The following FSTL5 variants were observed in gnomAD, a reference collection of about 807,000 sequenced individuals.
The protein encoded by FSTL5 is follistatin like 5.
FSTL5 carries 62 observed loss-of-function variants against 89.1 expected under a neutral mutation model. The observed-to-expected ratio is 0.70, with a 90% CI of 0.57 to 0.86. The LOEUF is 0.86. Ranked by LOEUF, FSTL5 falls within the 40% of genes least tolerant of loss-of-function variation. The pLI is 0.00. For synonymous variants in FSTL5, 383 were observed against 346.2 expected (o/e 1.11, Z -1.18); for missense variants, 1,057 against 1,001.6 (o/e 1.06, Z -0.75).
intron 3 of FSTL5, among the ~76,000 whole-genome samples, chr4:162,012,908 G>C (rs1470044459): frequency 6.6e-6 from 1 of 152,078 alleles, no homozygotes; most frequent in Non-Finnish European, 1.5e-5. Flanking sequence ...TCTCAGCTGG[G>C]CGTCGTGGCT....
chr4:161,694,625 A>C (rs1027871524), intron 6 of FSTL5, among the ~76,000 whole-genome samples: 1 of 152,044 alleles, frequency 6.6e-6, no homozygotes, highest in Non-Finnish European at 1.5e-5. Flanking sequence ...TTCAACACCT[A>C]GGCTTTCTCA....
In FSTL5 at chr4:161,447,613, G is replaced by A. The variant is rs187065633; in HGVS notation, c.1841+7391C>T. Among the ~76,000 whole-genome samples the A allele has an allele frequency of 5.9e-5, 9 of 152,110 alleles. No homozygotes were observed. In the East Asian group the frequency reaches 1.7e-3, roughly 29 times the overall value. On this transcript the variant is annotated intron_variant, in intron 15 of 15. Coordinates refer to ENST00000306100, the MANE Select transcript of FSTL5 (RefSeq NM_020116.5). ...TCTATCTAAGCATTTTACACTCAAC[G>A]TGTGGCCTGTATTAATATGCTAAAG...
chr4:162,146,955 G>A (rs1733024664), intron 1 of FSTL5, among the ~76,000 whole-genome samples: 3 of 151,780 alleles, frequency 2.0e-5, no homozygotes, highest in African/African-American at 7.3e-5. Flanking sequence ...GCTAATTTTT[G>A]TATTTTAATA....
At chr4:161,486,627 T>C (rs1729690663) in intron 12 of FSTL5, among the ~76,000 whole-genome samples, 1 of 152,138 alleles carries the variant, frequency 6.6e-6, no homozygotes, top group African/African-American at 2.4e-5. Flanking sequence ...TAACTGAAAA[T>C]TGAATTGGGA....
intron 3 of FSTL5, among the ~76,000 whole-genome samples, chr4:162,018,874 T>C (rs1272374717): frequency 6.6e-6 from 1 of 152,284 alleles, no homozygotes; most frequent in East Asian, 1.9e-4. Context: ...AATTACATGC[T>C]GAATACATTT....
chr4:161,383,988 G>A lies in FSTL5; in HGVS notation c.*1759C>T, dbSNP rs1299771779. On this transcript the variant is annotated 3_prime_UTR_variant, in exon 16 of 16. Transcript: ENST00000306100. ...TAAGCTACAAAAGAAGGATGTATGC[G>A]ACAGACTTACATGAAATCATTAAGT... The A allele has an allele frequency of 6.6e-6, 1 of 152,138 alleles. No individual in the cohort carries two copies. Among genetic ancestry groups the A allele is most frequent in the Non-Finnish European group, 1.5e-5 (1 of 68,012 alleles). The allele number at this position is 152,138 out of a possible 1,614,324, so 9.4% of individuals were successfully genotyped here.
chr4:162,095,156 A>G (rs1730701483), intron 2 of FSTL5, among the ~76,000 whole-genome samples: 1 of 152,140 alleles, frequency 6.6e-6, no homozygotes, highest in Non-Finnish European at 1.5e-5. Context: ...TTCATTATGT[A>G]TAACTATAAA....
At chr4:162,105,322 T>C (rs1356390129) in intron 2 of FSTL5, among the ~76,000 whole-genome samples, 1 of 152,138 alleles carries the variant, frequency 6.6e-6, no homozygotes, top group Non-Finnish European at 1.5e-5. Context: ...ATGCAAAACT[T>C]ATTCATCTTG....
intron 3 of FSTL5, among the ~76,000 whole-genome samples, chr4:161,964,835 T>G (rs535602683): frequency 6.6e-6 from 1 of 152,170 alleles, no homozygotes; most frequent in East Asian, 1.9e-4. Flanking sequence ...ATTTTCTAAT[T>G]TTACAACACA....
At chr4:162,070,731 A>G (rs1450157924) in intron 2 of FSTL5, among the ~76,000 whole-genome samples, 1 of 151,808 alleles carries the variant, frequency 6.6e-6, no homozygotes, top group Non-Finnish European at 1.5e-5. Context: ...CAGGCCAAAA[A>G]AGAACGGGAT....
chr4:161,782,332 G>A (rs940051543), intron 4 of FSTL5, among the ~76,000 whole-genome samples: 1 of 152,136 alleles, frequency 6.6e-6, no homozygotes, highest in East Asian at 1.9e-4. Context: ...CTCTTCCAAA[G>A]TGGCCGTACC....
At chr4:161,880,851 G>A (rs1440729525) in intron 4 of FSTL5, among the ~76,000 whole-genome samples, 1 of 152,044 alleles carries the variant, frequency 6.6e-6, no homozygotes, top group Non-Finnish European at 1.5e-5. Context: ...AAAACTATAG[G>A]GACAGAGATT....
rs75393411 is a variant in FSTL5 at position 161,496,868 on chromosome 4, C to T, written c.1458+3148G>A. On this transcript the variant is annotated intron_variant, in intron 12 of 15. Coordinates refer to ENST00000306100, the MANE Select transcript of FSTL5 (RefSeq NM_020116.5). ...AAGAGAGAAATAGAGGGAAACGTGG[C>T]GACAGAGGTAGTGGTAGCAGTAGAG... is the stretch of plus-strand genomic sequence containing the variant. Among the ~76,000 whole-genome samples the T allele has an allele frequency of 9.0e-3, 1,307 of 145,888 alleles. 13 individuals carry two copies. The highest frequency in any genetic ancestry group is 0.031 in the African/African-American group (1,234 of 40,104).
intron 4 of FSTL5, among the ~76,000 whole-genome samples, chr4:161,873,168 C>T (rs149643719): frequency 6.6e-6 from 1 of 152,190 alleles, no homozygotes; most frequent in Non-Finnish European, 1.5e-5. Flanking sequence ...GCCTATTTAA[C>T]CTTGGGTCAG....
chr4:161,751,511 G>C (rs1740389507), intron 6 of FSTL5, among the ~76,000 whole-genome samples: 1 of 152,074 alleles, frequency 6.6e-6, no homozygotes, highest in Non-Finnish European at 1.5e-5. Flanking sequence ...AATCAGCCCT[G>C]GCACAGGGAC....
At chr4:161,474,233 T>C (rs922001879) in intron 13 of FSTL5, among the ~76,000 whole-genome samples, 2 of 152,168 alleles carry the variant, frequency 1.3e-5, no homozygotes, top group Non-Finnish European at 2.9e-5. Context: ...AATAGCTCCA[T>C]TCTGATCTCT....
chr4:161,578,187 G>T (rs971943522), intron 8 of FSTL5, among the ~76,000 whole-genome samples: 3 of 149,416 alleles, frequency 2.0e-5, no homozygotes, highest in African/African-American at 7.4e-5. Context: ...TGCAAGCAGG[G>T]ACTTTAAGTA....
intron 4 of FSTL5, among the ~76,000 whole-genome samples, chr4:161,779,785 A>ACG (rs1741570582): frequency 2.3e-5 from 1 of 44,302 alleles, no homozygotes; most frequent in African/African-American, 1.9e-4. Flanking sequence ...GTATATATAT[A>ACG]TATATATATA....
chr4:161,417,557 C>T (rs1388497712), intron 15 of FSTL5, among the ~76,000 whole-genome samples: 1 of 152,168 alleles, frequency 6.6e-6, no homozygotes, highest in Non-Finnish European at 1.5e-5. Flanking sequence ...TGTGAAATGT[C>T]ATTATACTTG....
Sources: allele counts gnomAD v4.1 joint callset (sites outside exome capture counted in the v4.1 genomes callset), GRCh38; gene constraint gnomAD v4.1.1; transcripts MANE v1.5; gene names NCBI Gene and HGNC (gene_info 2026-07-23, HGNC 2026-07-21).